PABPC4L: variants seen among roughly 807,000 people sequenced by gnomAD.
The protein encoded by PABPC4L is polyadenylate-binding protein 4-like.
For synonymous variants in PABPC4L, 169 were observed against 164.1 expected (o/e 1.03, Z -0.23); for missense variants, 452 against 451.4 (o/e 1.00, Z -0.01).
the PABPC4L span, among the ~76,000 whole-genome samples, chr4:134,011,019 T>C: frequency 6.6e-6 from 1 of 152,168 alleles, no homozygotes; most frequent in Non-Finnish European, 1.5e-5. Context: ...GCACTTAAAA[T>C]TGTGAAAATA....
At chr4:134,075,559 A>G in the PABPC4L span, among the ~76,000 whole-genome samples, 30 of 152,282 alleles carry the variant, frequency 2.0e-4, no homozygotes, top group South Asian at 8.3e-4. Context: ...GACTGTGTTA[A>G]GACTTTTAGC....
the PABPC4L span, among the ~76,000 whole-genome samples, chr4:134,087,861 G>A: frequency 6.6e-6 from 1 of 152,032 alleles, no homozygotes; most frequent in Admixed American, 6.6e-5. Flanking sequence ...TTTAGAGCAA[G>A]GCTTCTATGG....
chr4:134,024,266 C>T, the PABPC4L span, among the ~76,000 whole-genome samples: 1 of 152,104 alleles, frequency 6.6e-6, no homozygotes, highest in African/African-American at 2.4e-5. Context: ...CTCCAAAACT[C>T]TCCTGTGTAT....
At chr4:134,161,185 C>A in the PABPC4L span, among the ~76,000 whole-genome samples, 1 of 150,882 alleles carries the variant, frequency 6.6e-6, no homozygotes, top group East Asian at 2.0e-4. Context: ...CAGACTTAAT[C>A]AAGCAGAAGA....
At chr4:133,951,761 T>A in the PABPC4L span, among the ~76,000 whole-genome samples, 5 of 152,172 alleles carry the variant, frequency 3.3e-5, no homozygotes, top group South Asian at 1.0e-3. Flanking sequence ...ACCATTAAGT[T>A]ACTAGAAGGG....
At chr4:134,070,903 C>T in the PABPC4L span, among the ~76,000 whole-genome samples, 2 of 152,170 alleles carry the variant, frequency 1.3e-5, no homozygotes, top group Non-Finnish European at 2.9e-5. Context: ...CTACTCTGCT[C>T]TCTCCAGGTC....
the PABPC4L span, among the ~76,000 whole-genome samples, chr4:133,964,335 A>G: frequency 7.5e-6 from 1 of 133,546 alleles, no homozygotes; most frequent in Non-Finnish European, 1.5e-5. Context: ...TTTAAAAATT[A>G]CCAAAAAAAA....
chr4:134,093,160 TC>T, the PABPC4L span, among the ~76,000 whole-genome samples: 4 of 151,354 alleles, frequency 2.6e-5, no homozygotes, highest in Admixed American at 1.3e-4. Context: ...TTTTTATGTA[TC>T]TTTTTTTTTT....
chr4:134,039,442 T>C, the PABPC4L span, among the ~76,000 whole-genome samples: 3 of 152,174 alleles, frequency 2.0e-5, no homozygotes, highest in Admixed American at 1.3e-4. Flanking sequence ...CTTAGTATTA[T>C]TTTGTGGGAG....
the PABPC4L span, among the ~76,000 whole-genome samples, chr4:134,013,115 C>A: frequency 6.6e-6 from 1 of 152,004 alleles, no homozygotes; most frequent in Non-Finnish European, 1.5e-5. Context: ...GAACCCCAAC[C>A]CCTTCTCTCT....
chr4:134,164,111 A>C, the PABPC4L span, among the ~76,000 whole-genome samples: 1 of 150,634 alleles, frequency 6.6e-6, no homozygotes, highest in Non-Finnish European at 1.5e-5. Flanking sequence ...AAAATACAAA[A>C]AATTAGCCGG....
chr4:134,190,732 A>C, the PABPC4L span, among the ~76,000 whole-genome samples: 90 of 152,146 alleles, frequency 5.9e-4, no homozygotes, highest in Non-Finnish European at 1.1e-3. Flanking sequence ...GCTCACTGCA[A>C]CCTTTGCCTT....
chr4:134,083,943 A>G, the PABPC4L span, among the ~76,000 whole-genome samples: 1 of 152,172 alleles, frequency 6.6e-6, no homozygotes, highest in South Asian at 2.1e-4. Flanking sequence ...TTAAAGTGTG[A>G]TTCTTAGGGA....
At chr4:133,970,468 C>G in the PABPC4L span, among the ~76,000 whole-genome samples, 2 of 152,120 alleles carry the variant, frequency 1.3e-5, no homozygotes, top group Non-Finnish European at 2.9e-5. Flanking sequence ...ATGATTGCAT[C>G]AAACTGCCAT....
At chr4:134,166,180 G>A in the PABPC4L span, among the ~76,000 whole-genome samples, 2 of 152,166 alleles carry the variant, frequency 1.3e-5, no homozygotes, top group East Asian at 1.9e-4. Context: ...TGGATACAAT[G>A]TACACTACTC....
the PABPC4L span, among the ~76,000 whole-genome samples, chr4:134,155,378 C>A: frequency 2.0e-5 from 3 of 149,898 alleles, no homozygotes; most frequent in African/African-American, 7.4e-5. Context: ...TTATCTATTT[C>A]TAATCAACTT....
the PABPC4L span, among the ~76,000 whole-genome samples, chr4:134,184,834 T>C: frequency 6.6e-6 from 1 of 152,102 alleles, no homozygotes. Context: ...CCTATTGTTA[T>C]ACATCCCTTT....
the PABPC4L span, among the ~76,000 whole-genome samples, chr4:134,033,461 G>A: frequency 6.6e-6 from 1 of 151,904 alleles, no homozygotes; most frequent in South Asian, 2.1e-4. Context: ...AAATAATTAA[G>A]TTTTGTGAGA....
the PABPC4L span, among the ~76,000 whole-genome samples, chr4:134,177,157 T>A: frequency 4.0e-5 from 6 of 149,408 alleles, no homozygotes; most frequent in Admixed American, 4.0e-4. Flanking sequence ...AGAGCTTCTA[T>A]CCCAGCCATC....
Sources: gnomAD v4.1 joint callset for allele counts (sites outside exome capture counted in the v4.1 genomes callset) on GRCh38, gnomAD v4.1.1 for gene constraint, MANE v1.5 for transcripts, NCBI Gene and HGNC (gene_info 2026-07-23, HGNC 2026-07-21) for gene names.